Variants in ZNF485 observed in about 807,000 individuals in gnomAD.
ZNF485 encodes zinc finger protein 485.
A neutral mutation model predicts 10.8 loss-of-function variants in ZNF485; 9 were observed. The ratio of observed to expected loss-of-function variants is 0.83; its 90% CI spans 0.50 to 1.45. The LOEUF (loss-of-function observed/expected upper bound fraction) is 1.45. Ranked by LOEUF, ZNF485 falls within the 40% of genes most tolerant of loss-of-function variation. ZNF485 has a pLI of 0.00. For synonymous variants in ZNF485, 187 were observed against 181.0 expected (o/e 1.03, Z -0.27); for missense variants, 487 against 528.0 (o/e 0.92, Z 0.76).
chr10:43,607,894 T>A (rs1838683885), intron 2 of ZNF485, among the ~76,000 whole-genome samples: 1 of 152,238 alleles, frequency 6.6e-6, no homozygotes, highest in African/African-American at 2.4e-5. Context: ...TTGAGCAAGT[T>A]CTTCCAACTC....
In ZNF485 at chr10:43,617,348, AAG is replaced by A. The variant is rs760128817; in HGVS notation, c.1308_1309del (p.Arg436SerfsTer5). On this transcript the variant is annotated frameshift_variant, in exon 5 of 5. Transcript: ENST00000361807. LOFTEE classifies it low-confidence loss of function (END_TRUNC). ...AACATAAGAAAATTCATAATAAAGA[AAG>A]AGCCATGAAATGTAGTTAGTGTGGC... The part of the protein sequence containing the change: ...KQHKKIHNKE[R>X]AMKCS The A allele has an allele frequency of 5.8e-6, 9 of 1,556,946 alleles. No individual in the cohort carries two copies. Among genetic ancestry groups the A allele is most frequent in the Non-Finnish European group, 7.8e-6 (9 of 1,156,558 alleles).
Position 43,609,275 on chromosome 10 carries a change from A to C in ZNF485, c.172A>C (p.Lys58Gln), listed in dbSNP as rs1838719442. 1 of 1,613,834 alleles carries C rather than the reference A, an allele frequency of 6.2e-7. No individual in the cohort carries two copies. Among genetic ancestry groups the C allele is most frequent in the Non-Finnish European group, 8.5e-7 (1 of 1,179,906 alleles). Residue 58 changes from lysine (K) to glutamine (Q), a missense_variant, in exon 4 of 5, where the codon AAA (lysine) becomes CAA (glutamine). Physicochemically the swap from Lys to Gln is moderately conservative, Grantham distance 53. Transcript: ENST00000361807. ...VSVGLLSSKP[K>Q]LITQLEQGAE... Reference sequence around the variant, plus strand: ...AACAGGGCTTCTCTCTTCCAAACCAAAACTAATTACTCAGTTGGAGCAAGG... The same window carrying C: ...AACAGGGCTTCTCTCTTCCAAACCACAACTAATTACTCAGTTGGAGCAAGG...
intron 3 of ZNF485, 90 bp from the exon 4 acceptor site, chr10:43,609,165 G>A: frequency 2.0e-6 from 2 of 987,990 alleles, no homozygotes; most frequent in East Asian, 2.6e-5. Flanking sequence ...ACTGAGGTCT[G>A]GAGTGACTGC....
chr10:43,611,986 C>T (rs80254146), intron 4 of ZNF485, among the ~76,000 whole-genome samples: 1,532 of 152,176 alleles, frequency 0.01, 26 homozygotes, highest in African/African-American at 0.035. Flanking sequence ...CTTGTCTTTG[C>T]ATCTTTGCAT....
chr10:43,617,383 G>T lies in ZNF485; in HGVS notation c.*14G>T. ...AAATGTAGTTAGTGTGGCAAATTGT[G>T]CAGAGTAGTTTATTCCTTCTGACCA... is the stretch of plus-strand genomic sequence containing the variant. On this transcript the variant is annotated 3_prime_UTR_variant, in exon 5 of 5. Transcript: ENST00000361807. 1 of 1,515,256 alleles carries T rather than the reference G, an allele frequency of 6.6e-7. No homozygotes were observed. The highest frequency in any genetic ancestry group is 8.8e-7 in the Non-Finnish European group (1 of 1,130,848). 93.9% of individuals were successfully genotyped at this position (1,515,256 alleles called of 1,614,324 possible). A position where few individuals can be genotyped will look rare whatever the true frequency, so the allele number is the denominator to read the frequency against.
Position 43,608,669 on chromosome 10 carries a change from A to G in ZNF485, c.80A>G (p.His27Arg). ...AVAFTRIEWR[H>R]LDAAQRALYR... is the part of the protein sequence containing the mutation. ...GCCTTTACCCGGATTGAGTGGAGAC[A>G]CCTGGATGCTGCTCAGCGGGCCCTG... Residue 27 changes from histidine (H) to arginine (R), a missense_variant, in exon 3 of 5, where the codon CAC becomes CGC. By Grantham distance (29) the His-to-Arg change is conservative. Coordinates refer to ENST00000361807, the MANE Select transcript of ZNF485 (RefSeq NM_145312.4). The G allele has an allele frequency of 6.2e-7, 1 of 1,614,080 alleles. No individual in the cohort carries two copies.
Position 43,616,030 on chromosome 10 carries a change from T to C in ZNF485, c.248-261T>C, listed in dbSNP as rs767989816. On this transcript the variant is annotated intron_variant, in intron 4 of 4. Coordinates refer to ENST00000361807, the MANE Select transcript of ZNF485 (RefSeq NM_145312.4). ...CTGTTTCCTGTGTTGTCTTCCTAAC[T>C]TGGCAACTTCTTAGGGGCTCACTGC... is the stretch of plus-strand genomic sequence containing the variant. Among the ~76,000 whole-genome samples the C allele has an allele frequency of 2.0e-5, 3 of 152,224 alleles. No homozygotes were observed. The South Asian group carries it at 6.2e-4, about 31-fold the overall frequency.
Position 43,617,172 on chromosome 10 carries a change from A to G in ZNF485, c.1129A>G (p.Thr377Ala). The G allele has an allele frequency of 6.2e-7, 1 of 1,614,200 alleles. No individual in the cohort carries two copies. Among genetic ancestry groups the G allele is most frequent in the South Asian group, 1.1e-5 (1 of 91,082 alleles). The change falls in exon 5 of 5, where the codon ACT (threonine) becomes GCT (alanine). Residue 377 changes from threonine (T) to alanine (A), a missense_variant. Transcript: ENST00000361807. ...STLTGHQRIH[T>A]GEKPYHCKKC... ...CCTTACTGGACATCAGAGAATTCAT[A>G]CTGGAGAAAAACCCTATCACTGTAA...
Position 43,617,411 on chromosome 10 carries a change from A to G in ZNF485, c.*42A>G. On this transcript the variant is annotated 3_prime_UTR_variant, in exon 5 of 5. Transcript: ENST00000361807. Reference sequence around the variant, plus strand: ...GAGTAGTTTATTCCTTCTGACCATCATAGAGGAGACATTAAATAAATTATG... The same window carrying G: ...GAGTAGTTTATTCCTTCTGACCATCGTAGAGGAGACATTAAATAAATTATG... 1.5e-6 allele frequency: 2 copies of G among 1,351,090 alleles called. No homozygotes were observed. Among genetic ancestry groups the G allele is most frequent in the Non-Finnish European group, 1.0e-6 (1 of 991,490 alleles). The allele number at this position is 1,351,090 out of a possible 1,614,324, so 83.7% of individuals were successfully genotyped here.
In ZNF485 at chr10:43,608,694, G is replaced by A; in HGVS notation, c.105G>A (p.Leu35=). Residue 35 remains leucine, a synonymous_variant, in exon 3 of 5, where the codon CTG becomes CTA. Transcript: ENST00000361807. Reference sequence around the variant, plus strand: ...ACCTGGATGCTGCTCAGCGGGCCCTGTACAGGGATGTGATGCTGGAGAACT... The same window carrying A: ...ACCTGGATGCTGCTCAGCGGGCCCTATACAGGGATGTGATGCTGGAGAACT... ...WRHLDAAQRA[L]YRDVMLENYG... The A allele has an allele frequency of 6.2e-7, 1 of 1,614,182 alleles. No homozygotes were observed. Among genetic ancestry groups the A allele is most frequent in the Non-Finnish European group, 8.5e-7 (1 of 1,180,036 alleles).
chr10:43,612,341 A>T (rs1237804353), intron 4 of ZNF485, among the ~76,000 whole-genome samples: 1 of 151,990 alleles, frequency 6.6e-6, no homozygotes, highest in East Asian at 1.9e-4. Flanking sequence ...GCCCATTTTC[A>T]TTGGGCTTTG....
intron 4 of ZNF485, among the ~76,000 whole-genome samples, chr10:43,610,857 G>T (rs1195949575): frequency 1.3e-5 from 2 of 152,138 alleles, no homozygotes; most frequent in African/African-American, 4.8e-5. Context: ...CCTCCCCAGA[G>T]GCATCCCTGT....
chr10:43,610,012 C>A (rs559071159), intron 4 of ZNF485, among the ~76,000 whole-genome samples: 1 of 152,298 alleles, frequency 6.6e-6, no homozygotes, highest in Admixed American at 6.5e-5. Flanking sequence ...TCCTTACCCA[C>A]TCTCTCATGG....
chr10:43,608,885 G>A (rs2132346780), intron 3 of ZNF485, 145 bp downstream of exon 3: 1 of 1,157,420 alleles, frequency 8.6e-7, no homozygotes, highest in Non-Finnish European at 1.2e-6. Context: ...AGAGGCTGGA[G>A]TTTATGCCCC....
intron 4 of ZNF485, among the ~76,000 whole-genome samples, chr10:43,615,545 G>C (rs577389473): frequency 5.3e-5 from 8 of 152,230 alleles, no homozygotes; most frequent in African/African-American, 1.9e-4. Context: ...GGGATTAAAG[G>C]CATGTGCTAC....
rs767589431 is a variant in ZNF485, at chr10:43,616,293, G to A, written c.250G>A (p.Glu84Lys). Residue 84 changes from glutamate to lysine, a missense_variant and splice_region_variant, in exon 5 of 5, where the codon GAG (glutamate) becomes AAG (lysine). Glu to Lys is a moderately conservative substitution (Grantham distance 56). Transcript: ENST00000361807. ...REAPSGTHAV[E>K]DYWFETKMSA... ...GAATTTTTAAAATTTTCTTTCAGTC[G>A]AGGATTACTGGTTTGAAACAAAGAT... 45 of 1,548,890 alleles carry A rather than the reference G, an allele frequency of 2.9e-5. No individual in the cohort carries two copies. The highest frequency in any genetic ancestry group is 4.2e-5 in the African/African-American group (3 of 71,862).
At chr10:43,610,434 T>C (rs944294271) in intron 4 of ZNF485, among the ~76,000 whole-genome samples, 1 of 152,248 alleles carries the variant, frequency 6.6e-6, no homozygotes, top group Admixed American at 6.5e-5. Context: ...TTGCTTAACC[T>C]AGGTCTTTGC....
chr10:43,606,678 C>T (rs1175256746), intron 1 of ZNF485, 132 bp downstream of exon 1: 1 of 359,512 alleles, frequency 2.8e-6, no homozygotes, highest in Non-Finnish European at 5.0e-6. Context: ...GCAGTGCCCA[C>T]CCGCAGTGGC....
At chr10:43,615,215 A>T (rs1454991425) in intron 4 of ZNF485, among the ~76,000 whole-genome samples, 1 of 152,204 alleles carries the variant, frequency 6.6e-6, no homozygotes, top group Non-Finnish European at 1.5e-5. Flanking sequence ...GATACAACTT[A>T]TGTTTATAAG....
Sources: gnomAD v4.1 joint callset for allele counts (sites outside exome capture counted in the v4.1 genomes callset) on GRCh38, gnomAD v4.1.1 for gene constraint, MANE v1.5 for transcripts, NCBI Gene and HGNC (gene_info 2026-07-23, HGNC 2026-07-21) for gene names.